The following EPHA5 variants were observed in gnomAD, a reference collection of about 807,000 sequenced individuals.
EPHA5 encodes the protein ephrin type-A receptor 5.
In EPHA5, 60 loss-of-function variants were observed where a neutral mutation model predicts 105.0. That is an observed-to-expected ratio of 0.57 (90% CI 0.46 to 0.71). EPHA5 has a LOEUF of 0.71. EPHA5 is among the 30% of genes least tolerant of loss of function. The probability of loss-of-function intolerance (pLI) is 0.00; values close to 1 mark genes in which losing one functional copy is unlikely to be tolerated. For synonymous variants in EPHA5, 513 were observed against 449.1 expected (o/e 1.14, Z -1.80); for missense variants, 1,218 against 1,274.7 (o/e 0.96, Z 0.68).
At chr4:65,348,819 T>A (rs865995785) in intron 13 of EPHA5, among the ~76,000 whole-genome samples, 71 of 111,600 alleles carry the variant, frequency 6.4e-4, no homozygotes, top group African/African-American at 2.0e-3. Context: ...ATATATATTT[T>A]TTTTTTTTTT....
chr4:65,384,160 C>T (rs939788564), intron 8 of EPHA5, among the ~76,000 whole-genome samples: 1 of 151,826 alleles, frequency 6.6e-6, no homozygotes, highest in Non-Finnish European at 1.5e-5. Flanking sequence ...ACTGGGCATG[C>T]CATATGCACT....
At chr4:65,518,983 G>T (rs1037099897) in intron 3 of EPHA5, among the ~76,000 whole-genome samples, 1 of 151,994 alleles carries the variant, frequency 6.6e-6, no homozygotes, top group Non-Finnish European at 1.5e-5. Context: ...GCATCATCCT[G>T]ATACCAAAGC....
intron 3 of EPHA5, among the ~76,000 whole-genome samples, chr4:65,526,160 A>G (rs1242817766): frequency 6.6e-6 from 1 of 151,932 alleles, no homozygotes; most frequent in Non-Finnish European, 1.5e-5. Flanking sequence ...GTCTGTTGGG[A>G]CAATTCTAAT....
At chr4:65,340,214 C>T (rs1050608322) in intron 14 of EPHA5, among the ~76,000 whole-genome samples, 1 of 152,026 alleles carries the variant, frequency 6.6e-6, no homozygotes, top group African/African-American at 2.4e-5. Flanking sequence ...CCAGAAGCAA[C>T]AAGACACAGC....
chr4:65,584,763 G>T (rs1336164682), intron 3 of EPHA5, among the ~76,000 whole-genome samples: 2 of 151,826 alleles, frequency 1.3e-5, no homozygotes, highest in East Asian at 3.9e-4. Flanking sequence ...AGATAAAAAG[G>T]ATCAAGTGCC....
intron 8 of EPHA5, among the ~76,000 whole-genome samples, chr4:65,382,348 A>T (rs1719643701): frequency 6.6e-6 from 1 of 151,644 alleles, no homozygotes; most frequent in South Asian, 2.1e-4. Context: ...TCATTACTCT[A>T]ATGGGCCAGA....
intron 5 of EPHA5, among the ~76,000 whole-genome samples, chr4:65,421,740 A>G (rs2149040365): frequency 6.6e-6 from 1 of 152,266 alleles, no homozygotes. Flanking sequence ...TCATGAAGGC[A>G]GGAATTGATT....
At chr4:65,590,159 C>T (rs1193544787) in intron 3 of EPHA5, among the ~76,000 whole-genome samples, 1 of 152,136 alleles carries the variant, frequency 6.6e-6, no homozygotes, top group Non-Finnish European at 1.5e-5. Context: ...TTACTTCCTC[C>T]AAACTGTGGT....
chr4:65,533,972 A>G (rs1274668136), intron 3 of EPHA5, among the ~76,000 whole-genome samples: 1 of 137,570 alleles, frequency 7.3e-6, no homozygotes, highest in Non-Finnish European at 1.6e-5. Flanking sequence ...AGAAAGAAAG[A>G]AAAGAAAAGA....
At chr4:65,453,384 C>T (rs1336071645) in intron 5 of EPHA5, among the ~76,000 whole-genome samples, 1 of 152,034 alleles carries the variant, frequency 6.6e-6, no homozygotes, top group East Asian at 1.9e-4. Context: ...CTCTTTAGGT[C>T]AATGAAACTG....
intron 5 of EPHA5, among the ~76,000 whole-genome samples, chr4:65,437,238 G>C (rs1725562878): frequency 6.6e-6 from 1 of 151,958 alleles, no homozygotes; most frequent in Non-Finnish European, 1.5e-5. Context: ...ATATTGCAAA[G>C]AAGGCAGAGC....
intron 2 of EPHA5, among the ~76,000 whole-genome samples, chr4:65,611,712 C>A (rs775529336): frequency 3.5e-4 from 53 of 151,942 alleles, no homozygotes; most frequent in Non-Finnish European, 6.8e-4. Flanking sequence ...ACCCATAAAT[C>A]AATTCTATAT....
At chr4:65,423,732 C>T (rs1223363494) in intron 5 of EPHA5, among the ~76,000 whole-genome samples, 1 of 150,000 alleles carries the variant, frequency 6.7e-6, no homozygotes, top group Non-Finnish European at 1.5e-5. Flanking sequence ...GCTCTAGGCT[C>T]ATCTTGCTTA....
At chr4:65,331,723 A>G in intron 16 of EPHA5, 1 of 1,196,084 alleles carries the variant, frequency 8.4e-7, no homozygotes, top group Non-Finnish European at 1.0e-6. Context: ...GTATTTTGCC[A>G]AGGAGCTGTT....
intron 2 of EPHA5, 35 bp from the exon 3 acceptor site, chr4:65,602,339 C>CA (rs1560759078): frequency 2.8e-6 from 4 of 1,451,752 alleles, no homozygotes; most frequent in Non-Finnish European, 3.6e-6. Context: ...AAAAAAAATT[C>CA]AAAAAATAGA....
intron 1 of EPHA5, among the ~76,000 whole-genome samples, chr4:65,651,348 A>G (rs1472184211): frequency 1.3e-5 from 2 of 152,206 alleles, no homozygotes; most frequent in Non-Finnish European, 2.9e-5. Context: ...TTAATCCAGT[A>G]GGGAAGTTAT....
intron 5 of EPHA5, among the ~76,000 whole-genome samples, chr4:65,455,791 G>A (rs1727523946): frequency 2.0e-5 from 3 of 151,976 alleles, no homozygotes; most frequent in African/African-American, 7.3e-5. Flanking sequence ...ACCTTCATTG[G>A]CCCAGACTTG....
intron 3 of EPHA5, among the ~76,000 whole-genome samples, chr4:65,585,902 A>G (rs1742075160): frequency 6.6e-6 from 1 of 151,636 alleles, no homozygotes; most frequent in Non-Finnish European, 1.5e-5. Flanking sequence ...ATAAAACTGG[A>G]AAAAAATGCC....
At chr4:65,550,414 A>G (rs1005208121) in intron 3 of EPHA5, among the ~76,000 whole-genome samples, 3 of 152,150 alleles carry the variant, frequency 2.0e-5, no homozygotes, top group African/African-American at 7.2e-5. Flanking sequence ...AATATTTCAA[A>G]AGTTTGGACG....
Sources: gnomAD v4.1 joint callset for allele counts (sites outside exome capture counted in the v4.1 genomes callset) on GRCh38, gnomAD v4.1.1 for gene constraint, MANE v1.5 for transcripts, NCBI Gene and HGNC (gene_info 2026-07-23, HGNC 2026-07-21) for gene names.